Variants in CADM2 observed in about 807,000 individuals in gnomAD.
The protein encoded by CADM2 is cell adhesion molecule 2, also known as immunoglobulin superfamily member 4D.
CADM2 carries 12 observed loss-of-function variants against 49.8 expected under a neutral mutation model. The ratio of observed to expected loss-of-function variants is 0.24; its 90% CI spans 0.15 to 0.39. CADM2 has a LOEUF of 0.39. CADM2 is among the 10% of genes least tolerant of loss of function. CADM2 has a pLI of 1.00. For synonymous variants in CADM2, 214 were observed against 175.4 expected (o/e 1.22, Z -1.74); for missense variants, 378 against 492.3 (o/e 0.77, Z 2.20).
chr3:85,546,391 G>C (rs1354821383), intron 1 of CADM2, among the ~76,000 whole-genome samples: 1 of 152,028 alleles, frequency 6.6e-6, no homozygotes, highest in East Asian at 1.9e-4. Flanking sequence ...ACAGCTAATC[G>C]TGCCATCTCC....
intron 1 of CADM2, among the ~76,000 whole-genome samples, chr3:85,030,767 T>C (rs1354643766): frequency 1.3e-5 from 2 of 152,144 alleles, no homozygotes; most frequent in African/African-American, 4.8e-5. Context: ...AGTCCTCCAT[T>C]ACCCTGGTTT....
chr3:86,017,086 G>A (rs1039287681), intron 8 of CADM2, among the ~76,000 whole-genome samples: 2 of 151,010 alleles, frequency 1.3e-5, no homozygotes, highest in Admixed American at 1.3e-4. Flanking sequence ...ACCCATTTCT[G>A]TGCCATCAAG....
At chr3:85,613,896 A>G (rs2063736816) in intron 1 of CADM2, among the ~76,000 whole-genome samples, 1 of 151,690 alleles carries the variant, frequency 6.6e-6, no homozygotes, top group Admixed American at 6.6e-5. Flanking sequence ...TTATAAATTC[A>G]CTAAGAATCA....
At chr3:85,255,042 C>T (rs7625334) in intron 1 of CADM2, among the ~76,000 whole-genome samples, 1 of 152,022 alleles carries the variant, frequency 6.6e-6, no homozygotes, top group Non-Finnish European at 1.5e-5. Context: ...TATATTAAAA[C>T]TCATAGTCCA....
chr3:85,150,972 CT>C, intron 1 of CADM2, among the ~76,000 whole-genome samples: 1 of 150,090 alleles, frequency 6.7e-6, no homozygotes, highest in African/African-American at 2.4e-5. Context: ...GGCAAAGAAC[CT>C]TTATAGAATG....
At chr3:85,960,615 C>T (rs1724690434) in intron 7 of CADM2, among the ~76,000 whole-genome samples, 1 of 151,926 alleles carries the variant, frequency 6.6e-6, no homozygotes, top group African/African-American at 2.4e-5. Flanking sequence ...AGGATAACAA[C>T]TAGCAGATGG....
intron 1 of CADM2, among the ~76,000 whole-genome samples, chr3:85,214,906 G>A (rs1322600064): frequency 6.6e-6 from 1 of 152,066 alleles, no homozygotes. Context: ...AGGAGTCATG[G>A]CCTGGAATTG....
At chr3:85,151,814 C>T (rs1322310999) in intron 1 of CADM2, among the ~76,000 whole-genome samples, 2 of 152,140 alleles carry the variant, frequency 1.3e-5, no homozygotes, top group East Asian at 3.9e-4. Context: ...TGGCTTCTTG[C>T]TGTTCTTCAC....
intron 1 of CADM2, among the ~76,000 whole-genome samples, chr3:84,965,307 T>C (rs1414655407): frequency 6.6e-6 from 1 of 152,150 alleles, no homozygotes; most frequent in Non-Finnish European, 1.5e-5. Flanking sequence ...TGTGTGATGA[T>C]GCAAATGGCA....
rs1201334986 is a variant in CADM2, at chr3:86,069,043, GAAGT to G, written c.*2265_*2268del. The G allele has an allele frequency of 1.3e-5, 2 of 151,908 alleles. No homozygotes were observed. The highest frequency in any genetic ancestry group is 4.8e-5 in the African/African-American group (2 of 41,412). 9.4% of individuals were successfully genotyped at this position (151,908 alleles called of 1,614,324 possible). A position where few individuals can be genotyped will look rare whatever the true frequency, so the allele number is the denominator to read the frequency against. On this transcript the variant is annotated 3_prime_UTR_variant, in exon 10 of 10. Transcript: ENST00000383699. ...ACAAAATGGAAAGGTTCTTATTACA[GAAGT>G]AAGTTGTACAAACTGCATCATCAAT...
chr3:85,087,184 C>T (rs534514404), intron 1 of CADM2, among the ~76,000 whole-genome samples: 5 of 152,164 alleles, frequency 3.3e-5, no homozygotes, highest in African/African-American at 1.2e-4. Flanking sequence ...GCATGAATCT[C>T]GGTTAACAGA....
chr3:85,270,434 C>T (rs1024398687), intron 1 of CADM2, among the ~76,000 whole-genome samples: 3 of 151,236 alleles, frequency 2.0e-5, no homozygotes, highest in African/African-American at 4.8e-5. Context: ...AGAGATAAAG[C>T]GTTCATATTT....
intron 8 of CADM2, among the ~76,000 whole-genome samples, chr3:86,049,664 G>C (rs992220938): frequency 6.6e-6 from 1 of 152,108 alleles, no homozygotes; most frequent in East Asian, 1.9e-4. Context: ...GGCATGGGGG[G>C]CAGGCATCAG....
intron 1 of CADM2, among the ~76,000 whole-genome samples, chr3:85,158,713 G>T (rs1199269338): frequency 6.6e-6 from 1 of 152,078 alleles, no homozygotes; most frequent in Non-Finnish European, 1.5e-5. Context: ...AGTGGGGAGG[G>T]ATAGCATTGG....
chr3:85,053,744 G>A (rs1482496506), intron 1 of CADM2, among the ~76,000 whole-genome samples: 1 of 151,896 alleles, frequency 6.6e-6, no homozygotes, highest in Non-Finnish European at 1.5e-5. Context: ...GCTTAAACTA[G>A]ATGAACTTAA....
intron 1 of CADM2, among the ~76,000 whole-genome samples, chr3:85,280,641 GT>G (rs2043477145): frequency 6.6e-6 from 1 of 151,440 alleles, no homozygotes; most frequent in Non-Finnish European, 1.5e-5. Flanking sequence ...AAGCTTTCTA[GT>G]TTTTTATTTA....
intron 1 of CADM2, among the ~76,000 whole-genome samples, chr3:85,166,252 T>C (rs2040468052): frequency 6.6e-6 from 1 of 151,922 alleles, no homozygotes; most frequent in African/African-American, 2.4e-5. Flanking sequence ...CACTATCTCA[T>C]GTGCTATAAT....
At chr3:85,837,667 T>C (rs1289447451) in intron 3 of CADM2, among the ~76,000 whole-genome samples, 1 of 151,786 alleles carries the variant, frequency 6.6e-6, no homozygotes, top group African/African-American at 2.4e-5. Context: ...GAATCTTTTC[T>C]TGAAAATATC....
At chr3:85,923,666 T>C (rs1166203433) in intron 6 of CADM2, among the ~76,000 whole-genome samples, 3 of 152,100 alleles carry the variant, frequency 2.0e-5, no homozygotes, top group Non-Finnish European at 4.4e-5. Flanking sequence ...TATAAGCACA[T>C]AAGGATTAGG....
Sources: allele counts gnomAD v4.1 joint callset (sites outside exome capture counted in the v4.1 genomes callset), GRCh38; gene constraint gnomAD v4.1.1; transcripts MANE v1.5; gene names NCBI Gene and HGNC (gene_info 2026-07-23, HGNC 2026-07-21).